The following CSF2RA variants were observed in gnomAD, a reference collection of about 807,000 sequenced individuals.
The protein encoded by CSF2RA is colony stimulating factor 2 receptor subunit alpha, also known as granulocyte-macrophage colony-stimulating factor receptor subunit alpha.
CSF2RA carries 42 observed loss-of-function variants against 51.6 expected under a neutral mutation model. That is an observed-to-expected ratio of 0.81 (90% CI 0.64 to 1.05). The LOEUF is 1.05. Among genes scored for constraint, CSF2RA ranks in the 50% least tolerant of loss-of-function variants. CSF2RA has a pLI of 0.00. For synonymous variants in CSF2RA, 222 were observed against 193.0 expected (o/e 1.15, Z -1.24); for missense variants, 530 against 501.1 (o/e 1.06, Z -0.55).
intron 8 of CSF2RA, among the ~76,000 whole-genome samples, chrX:1,294,756 C>G (rs1474172093): frequency 1.3e-5 from 2 of 149,752 alleles, no homozygotes; most frequent in African/African-American, 4.9e-5. Flanking sequence ...AGAGCCTCTG[C>G]TCCACCTCCA....
downstream of CSF2RA, among the ~76,000 whole-genome samples, chrX:1,314,933 C>T (rs1339419524): frequency 2.8e-4 from 25 of 89,906 alleles, 3 homozygotes; most frequent in East Asian, 4.5e-3. Context: ...AACCGCACTG[C>T]ACTTGCCCAA....
downstream of CSF2RA, among the ~76,000 whole-genome samples, chrX:1,311,987 C>T (rs774435335): frequency 2.6e-4 from 40 of 151,694 alleles, no homozygotes; most frequent in East Asian, 2.0e-4. Flanking sequence ...GATGGAGTCT[C>T]GCTCTGTCAT....
At chrX:1,304,644 GTTTT>G (rs34201069) in intron 11 of CSF2RA, among the ~76,000 whole-genome samples, 1 of 117,116 alleles carries the variant, frequency 8.5e-6, no homozygotes, top group Non-Finnish European at 1.7e-5. Flanking sequence ...TTGGAGGTGG[GTTTT>G]TTTTTGTTTG....
At chrX:1,323,255 T>G in the CSF2RA span, among the ~76,000 whole-genome samples, 1 of 151,426 alleles carries the variant, frequency 6.6e-6, no homozygotes, top group Non-Finnish European at 1.5e-5. Flanking sequence ...GGCTCACGCC[T>G]GTAATTTCAG....
chrX:1,295,715 G>A (rs1434858289), intron 9 of CSF2RA: 2 of 412,840 alleles, frequency 4.8e-6, no homozygotes, highest in African/African-American at 4.8e-5. Flanking sequence ...CTAGTGTAAG[G>A]AGGAGGAGAC....
chrX:1,320,757 C>T, the CSF2RA span, among the ~76,000 whole-genome samples: 1 of 150,652 alleles, frequency 6.6e-6, no homozygotes, highest in Non-Finnish European at 1.5e-5. Flanking sequence ...GTGATCCGCC[C>T]GCCTCAGCCT....
the CSF2RA span, among the ~76,000 whole-genome samples, chrX:1,324,435 G>C: frequency 1.1e-5 from 1 of 94,056 alleles, no homozygotes; most frequent in Non-Finnish European, 2.6e-5. Context: ...AAAGAAGAGA[G>C]AGAGAAAAAA....
chrX:1,277,368 C>G (rs757056159), intron 2 of CSF2RA, among the ~76,000 whole-genome samples: 1 of 149,598 alleles, frequency 6.7e-6, no homozygotes, highest in African/African-American at 2.5e-5. Context: ...GAGGCAGAGG[C>G]GGGCGGATCA....
chrX:1,310,169 A>C (rs1262676627), downstream of CSF2RA: 2 of 209,860 alleles, frequency 9.5e-6, no homozygotes, highest in Non-Finnish European at 1.9e-5. Flanking sequence ...CCTGGGTAAC[A>C]AACTAAGACC....
At chrX:1,310,262 T>C (rs28489582), downstream of CSF2RA, 78,796 of 155,200 alleles carry the variant, frequency 0.51, 24,167 homozygotes, top group African/African-American at 0.83. Context: ...CCAACCCAAC[T>C]ACTGAGGTAC....
At chrX:1,298,519 G>T (rs1428482174) in intron 9 of CSF2RA, among the ~76,000 whole-genome samples, 2 of 107,096 alleles carry the variant, frequency 1.9e-5, no homozygotes, top group East Asian at 5.4e-4. Flanking sequence ...TTCAGGAGCC[G>T]TAGTGTGACC....
At chrX:1,310,623 A>G (rs766023966), downstream of CSF2RA, among the ~76,000 whole-genome samples, 1,061 of 150,348 alleles carry the variant, frequency 7.1e-3, 14 homozygotes, top group African/African-American at 0.025. Context: ...AACCGAGATC[A>G]CAACACCGCA....
chrX:1,280,859 C>CCTT (rs2089834027), intron 2 of CSF2RA, among the ~76,000 whole-genome samples: 1 of 139,086 alleles, frequency 7.2e-6, no homozygotes. Flanking sequence ...TCCTTCTCCT[C>CCTT]CTCCTCCTCC....
chrX:1,316,101 A>G, the CSF2RA span, among the ~76,000 whole-genome samples: 2 of 140,610 alleles, frequency 1.4e-5, no homozygotes, highest in African/African-American at 5.1e-5. Flanking sequence ...GGATAGATAG[A>G]CACATAGATA....
chrX:1,309,346 T>G, intron 12 of CSF2RA, 56 bp from the exon 13 acceptor site: 1 of 1,539,084 alleles, frequency 6.5e-7, no homozygotes, highest in East Asian at 2.2e-5. Context: ...CACAGCCCAC[T>G]GAGTCCCAGG....
chrX:1,317,767 G>T, the CSF2RA span, among the ~76,000 whole-genome samples: 1 of 151,610 alleles, frequency 6.6e-6, no homozygotes, highest in African/African-American at 2.4e-5. Flanking sequence ...AAATTCTAAT[G>T]GGGCTTGGAT....
rs760328312 is a variant in CSF2RA, at chrX:1,300,446, C to T, written c.811-45C>T. The stretch of plus-strand genomic sequence containing the variant: ...GAACGAAAAAAGGCAACCTTTTCCT[C>T]CACACAGAAGACGCCTATCTCTAAC... On this transcript the variant is annotated intron_variant, in intron 9 of 12. Transcript: ENST00000381529. 9 of 1,612,154 alleles carry T rather than the reference C, an allele frequency of 5.6e-6. No individual in the cohort carries two copies. The East Asian group carries it at 1.6e-4, about 28-fold the overall frequency.
chrX:1,312,320 A>G (rs1167905931), downstream of CSF2RA, among the ~76,000 whole-genome samples: 2 of 152,126 alleles, frequency 1.3e-5, no homozygotes, highest in African/African-American at 4.8e-5. Context: ...CCCTGGAATA[A>G]AAGTCCTCCT....
At chrX:1,285,714 AAAAAAAAAAAAAAAAAAGG>A in intron 3 of CSF2RA, 45 bp from the exon 4 acceptor site, 2 of 1,117,678 alleles carry the variant, frequency 1.8e-6, no homozygotes, top group Non-Finnish European at 2.4e-6. Flanking sequence ...AAAAAAAAAA[AAAAAAAAAAAAAAAAAAGG>A]AAAAGAAAAG....
Sources: gnomAD v4.1 joint callset for allele counts (sites outside exome capture counted in the v4.1 genomes callset) on GRCh38, gnomAD v4.1.1 for gene constraint, MANE v1.5 for transcripts, NCBI Gene and HGNC (gene_info 2026-07-23, HGNC 2026-07-21) for gene names.